The following SCN2A variants were observed in gnomAD, a reference collection of about 807,000 sequenced individuals.
SCN2A encodes the protein sodium voltage-gated channel alpha subunit 2.
Under a neutral mutation model 188.7 loss-of-function variants are expected in SCN2A, and 20 were observed. That is an observed-to-expected ratio of 0.11 (90% CI 0.07 to 0.15). The LOEUF is 0.15. Among genes scored for constraint, SCN2A ranks in the 10% least tolerant of loss-of-function variants. The pLI, the probability that SCN2A is intolerant of heterozygous loss-of-function variation, is 1.00. For missense variants in SCN2A, 1,278 were observed against 2,445.0 expected (o/e 0.52, Z 10.07); for synonymous variants, 804 against 833.1 (o/e 0.97, Z 0.60).
chr2:165,323,476 A>T lies in SCN2A; in HGVS notation c.1992A>T (p.Thr664=). Residue 664 remains threonine, a synonymous_variant, in exon 12 of 27, where the codon ACA becomes ACT. Transcript: ENST00000375437. Reference sequence around the variant, plus strand: ...TGGTCGGGGGCCCTTCTACCCTCACATCTGCTGGGCAGCTCCTACCAGAGG... The same window carrying T: ...TGGTCGGGGGCCCTTCTACCCTCACTTCTGCTGGGCAGCTCCTACCAGAGG... The part of the protein sequence containing the change: ...VSLVGGPSTL[T]SAGQLLPEGT... 2 of 1,613,566 alleles carry T rather than the reference A, an allele frequency of 1.2e-6. No homozygotes were observed. The highest frequency in any genetic ancestry group is 1.1e-5 in the South Asian group (1 of 90,950).
rs1004686802 is a variant in SCN2A at position 165,386,629 on chromosome 2, G to C, written c.4552-117G>C. On this transcript the variant is annotated intron_variant, in intron 25 of 26. Coordinates refer to ENST00000375437, the MANE Select transcript of SCN2A (RefSeq NM_001040142.2). ...TTTTTTTTTTGTAAAATGTTGTGAG[G>C]ATTAAAGATGTGTTTTTATAAAAGC... 8 of 1,049,788 alleles carry C rather than the reference G, an allele frequency of 7.6e-6. No individual in the cohort carries two copies. The East Asian group carries it at 1.8e-4, about 24-fold the overall frequency. 65.0% of individuals were successfully genotyped at this position (1,049,788 alleles called of 1,614,324 possible). A position where few individuals can be genotyped will look rare whatever the true frequency, so the allele number is the denominator to read the frequency against.
At chr2:165,356,886 G>A (rs968357559) in intron 17 of SCN2A, among the ~76,000 whole-genome samples, 1 of 152,120 alleles carries the variant, frequency 6.6e-6, no homozygotes, top group Admixed American at 6.6e-5. Flanking sequence ...TTCCCATTAA[G>A]TTAGCTCTGA....
At chr2:165,246,909 C>A (rs1693871268) in intron 1 of SCN2A, among the ~76,000 whole-genome samples, 1 of 152,138 alleles carries the variant, frequency 6.6e-6, no homozygotes, top group Non-Finnish European at 1.5e-5. Context: ...TCTCCTCAAA[C>A]CACCAATACC....
At chr2:165,264,820 A>G (rs1574464448) in intron 1 of SCN2A, among the ~76,000 whole-genome samples, 2 of 152,106 alleles carry the variant, frequency 1.3e-5, no homozygotes, top group African/African-American at 2.4e-5. Context: ...TTGTGGCTGC[A>G]TAATATTCTG....
Position 165,388,675 on chromosome 2 carries a change from C to T in SCN2A, c.4869C>T (p.Thr1623=), listed in dbSNP as rs200960967. ...TAGAAAAGTATTTTGTGTCCCCTAC[C>T]CTGTTCCGAGTGATCCGTCTTGCCA... ...ELIEKYFVSP[T]LFRVIRLARI... Residue 1623 remains threonine, a synonymous_variant, in exon 27 of 27, where the codon ACC becomes ACT. Coordinates refer to ENST00000375437, the MANE Select transcript of SCN2A (RefSeq NM_001040142.2). 6 of 1,613,902 alleles carry T rather than the reference C, an allele frequency of 3.7e-6. No individual in the cohort carries two copies. Among genetic ancestry groups the T allele is most frequent in the Non-Finnish European group, 2.5e-6 (3 of 1,179,900 alleles).
intron 1 of SCN2A, among the ~76,000 whole-genome samples, chr2:165,248,234 C>T (rs1167216065): frequency 6.6e-6 from 1 of 152,294 alleles, no homozygotes; most frequent in South Asian, 2.1e-4. Flanking sequence ...CAAAATTCTG[C>T]AAGTGATATC....
chr2:165,260,773 T>C (rs1694555432), intron 1 of SCN2A, among the ~76,000 whole-genome samples: 2 of 151,694 alleles, frequency 1.3e-5, no homozygotes. Context: ...TCGAGACCAG[T>C]CTGGCCGACA....
intron 13 of SCN2A, among the ~76,000 whole-genome samples, chr2:165,329,970 A>G (rs1299398936): frequency 2.0e-5 from 3 of 152,162 alleles, no homozygotes; most frequent in Non-Finnish European, 4.4e-5. Context: ...TGGAAATTTT[A>G]AAAACAATAA....
At chr2:165,317,118 T>C (rs1374737599) in intron 11 of SCN2A, among the ~76,000 whole-genome samples, 1 of 152,114 alleles carries the variant, frequency 6.6e-6, no homozygotes, top group Non-Finnish European at 1.5e-5. Context: ...ATATATAAAT[T>C]TTTTTAGGTC....
At chr2:165,300,177 G>A (rs1490466258) in intron 3 of SCN2A, among the ~76,000 whole-genome samples, 1 of 152,148 alleles carries the variant, frequency 6.6e-6, no homozygotes, top group Non-Finnish European at 1.5e-5. Flanking sequence ...GCTTTTAAAT[G>A]TGTTTCCTGT....
chr2:165,305,821 T>C (rs1386998472), intron 3 of SCN2A, among the ~76,000 whole-genome samples: 2 of 152,110 alleles, frequency 1.3e-5, no homozygotes, highest in South Asian at 2.1e-4. Context: ...TTGGCCATGA[T>C]ATGGAAAAGG....
At chr2:165,332,263 T>C (rs1316694059) in intron 14 of SCN2A, among the ~76,000 whole-genome samples, 8 of 152,018 alleles carry the variant, frequency 5.3e-5, no homozygotes, top group Admixed American at 5.2e-4. Context: ...GCAGGTTATA[T>C]AGAGATTGTA....
At chr2:165,292,079 G>C (rs997987422) in intron 1 of SCN2A, among the ~76,000 whole-genome samples, 1 of 152,128 alleles carries the variant, frequency 6.6e-6, no homozygotes, top group Non-Finnish European at 1.5e-5. Context: ...ATGAAAGTCA[G>C]AACAAAAGGA....
chr2:165,323,078 G>T, intron 11 of SCN2A, 78 bp from the exon 12 acceptor site: 1 of 1,329,712 alleles, frequency 7.5e-7, no homozygotes, highest in Non-Finnish European at 1.1e-6. Flanking sequence ...ATGACACAAT[G>T]AATCAAATTC....
chr2:165,260,237 C>T (rs964844584), intron 1 of SCN2A, among the ~76,000 whole-genome samples: 1 of 152,100 alleles, frequency 6.6e-6, no homozygotes, highest in Non-Finnish European at 1.5e-5. Context: ...GCCACTGCGC[C>T]CGGCCAAAAT....
chr2:165,308,008 T>A, intron 4 of SCN2A, 71 bp downstream of exon 4: 1 of 986,728 alleles, frequency 1.0e-6, no homozygotes. Context: ...CCTTGAGACC[T>A]CCTCAATTTC....
At chr2:165,260,522 T>C (rs1370285663) in intron 1 of SCN2A, among the ~76,000 whole-genome samples, 1 of 152,166 alleles carries the variant, frequency 6.6e-6, no homozygotes, top group Non-Finnish European at 1.5e-5. Context: ...ACATTTAGCA[T>C]AATTCTTAAG....
At chr2:165,346,022 T>C (rs1699566298) in intron 16 of SCN2A, among the ~76,000 whole-genome samples, 1 of 152,210 alleles carries the variant, frequency 6.6e-6, no homozygotes, top group Admixed American at 6.5e-5. Flanking sequence ...TCTTTAATAA[T>C]GTTTAATATT....
At chr2:165,335,779 A>C (rs763740164) in intron 14 of SCN2A, among the ~76,000 whole-genome samples, 1 of 151,854 alleles carries the variant, frequency 6.6e-6, no homozygotes, top group Non-Finnish European at 1.5e-5. Context: ...AAACTTTCAT[A>C]CTGCAAACAA....
Sources: allele counts gnomAD v4.1 joint callset (sites outside exome capture counted in the v4.1 genomes callset), GRCh38; gene constraint gnomAD v4.1.1; transcripts MANE v1.5; gene names NCBI Gene and HGNC (gene_info 2026-07-23, HGNC 2026-07-21).